GPM6A: variants seen among roughly 807,000 people sequenced by gnomAD.
The protein encoded by GPM6A is neuronal membrane glycoprotein M6-a.
In GPM6A, 7 loss-of-function variants were observed where a neutral mutation model predicts 32.1. The observed-to-expected ratio is 0.22, with a 90% CI of 0.12 to 0.41. GPM6A has a LOEUF of 0.41. GPM6A is among the 10% of genes least tolerant of loss of function. The pLI, the probability that GPM6A is intolerant of heterozygous loss-of-function variation, is 1.00. For synonymous variants in GPM6A, 130 were observed against 123.4 expected (o/e 1.05, Z -0.35); for missense variants, 235 against 347.2 (o/e 0.68, Z 2.57).
At chr4:175,718,678 GAC>G (rs1191803935) in intron 1 of GPM6A, among the ~76,000 whole-genome samples, 4 of 151,996 alleles carry the variant, frequency 2.6e-5, no homozygotes, top group Non-Finnish European at 4.4e-5. Context: ...TAAACCATAT[GAC>G]ACACACACAT....
intron 2 of GPM6A, among the ~76,000 whole-genome samples, chr4:175,688,915 C>T (rs934500525): frequency 1.3e-5 from 2 of 152,082 alleles, no homozygotes; most frequent in African/African-American, 4.8e-5. Flanking sequence ...TGTAGCGGTG[C>T]AATCATAGCT....
chr4:175,964,602 A>T (rs905254397), intron 1 of GPM6A, among the ~76,000 whole-genome samples: 1 of 152,034 alleles, frequency 6.6e-6, no homozygotes, highest in African/African-American at 2.4e-5. Context: ...CCTGTGTCCT[A>T]ATTTCCTATT....
intron 1 of GPM6A, among the ~76,000 whole-genome samples, chr4:175,990,833 T>C (rs1199347225): frequency 6.6e-6 from 1 of 152,162 alleles, no homozygotes; most frequent in Admixed American, 6.5e-5. Context: ...TATCATATGA[T>C]GTAAGGGGAT....
intron 1 of GPM6A, among the ~76,000 whole-genome samples, chr4:175,743,010 A>C (rs1731950699): frequency 6.6e-6 from 1 of 152,110 alleles, no homozygotes; most frequent in South Asian, 2.1e-4. Context: ...ATTAATAATA[A>C]TTATTTCAAG....
At chr4:175,720,483 A>G (rs1482153940) in intron 1 of GPM6A, among the ~76,000 whole-genome samples, 1 of 152,158 alleles carries the variant, frequency 6.6e-6, no homozygotes, top group African/African-American at 2.4e-5. Context: ...GATCTTTATT[A>G]TTTCTAGAAT....
intron 1 of GPM6A, among the ~76,000 whole-genome samples, chr4:175,710,365 A>G (rs189794013): frequency 1.5e-4 from 23 of 152,146 alleles, no homozygotes; most frequent in Non-Finnish European, 2.9e-4. Flanking sequence ...AGTGAATTCC[A>G]CAAGTTCTGA....
At chr4:175,902,125 AT>A (rs1350180465) in intron 1 of GPM6A, among the ~76,000 whole-genome samples, 3 of 152,168 alleles carry the variant, frequency 2.0e-5, no homozygotes, top group Admixed American at 6.6e-5. Flanking sequence ...ATGGATAAAA[AT>A]TTGAAGTATT....
At chr4:175,666,076 G>T (rs191855434) in intron 3 of GPM6A, among the ~76,000 whole-genome samples, 1 of 151,476 alleles carries the variant, frequency 6.6e-6, no homozygotes, top group East Asian at 2.0e-4. Context: ...CCACCACCAC[G>T]CCTGGCTAAT....
At chr4:175,667,452 A>C (rs1486266580) in intron 3 of GPM6A, among the ~76,000 whole-genome samples, 1 of 152,196 alleles carries the variant, frequency 6.6e-6, no homozygotes, top group African/African-American at 2.4e-5. Context: ...AGTTCTTAGT[A>C]GTCTAAGGAG....
At chr4:175,901,596 A>G (rs1005743133) in intron 1 of GPM6A, among the ~76,000 whole-genome samples, 5 of 151,072 alleles carry the variant, frequency 3.3e-5, no homozygotes, top group Non-Finnish European at 5.9e-5. Flanking sequence ...ACTATTTTAG[A>G]AAAAGCTTTA....
intron 1 of GPM6A, among the ~76,000 whole-genome samples, chr4:175,756,439 A>T (rs1319845098): frequency 6.6e-6 from 1 of 151,974 alleles, no homozygotes; most frequent in Admixed American, 6.6e-5. Flanking sequence ...TAAAAGTTAG[A>T]CTCCATGAAA....
intron 2 of GPM6A, among the ~76,000 whole-genome samples, chr4:175,699,100 G>C (rs1359699111): frequency 6.6e-6 from 1 of 152,152 alleles, no homozygotes; most frequent in East Asian, 1.9e-4. Flanking sequence ...AGATGTTAAG[G>C]ACATCTGTGA....
At chr4:175,805,011 T>A (rs1734631334) in intron 1 of GPM6A, among the ~76,000 whole-genome samples, 1 of 151,826 alleles carries the variant, frequency 6.6e-6, no homozygotes, top group African/African-American at 2.4e-5. Context: ...CCCACTGCAC[T>A]CCAGCCTGGG....
chr4:175,794,497 C>A (rs1734138627), intron 1 of GPM6A, among the ~76,000 whole-genome samples: 1 of 152,176 alleles, frequency 6.6e-6, no homozygotes, highest in Non-Finnish European at 1.5e-5. Context: ...TATTGTCAAT[C>A]ATTATACTAT....
In GPM6A at chr4:175,738,229, C is replaced by T. The variant is rs148919726; in HGVS notation, c.38-36462G>A. 2.2e-3 allele frequency among the ~76,000 whole-genome samples: 338 copies of T among 152,198 alleles called. 1 individual carries two copies. Among genetic ancestry groups the T allele is most frequent in the African/African-American group, 5.1e-3 (210 of 41,526 alleles). ...CTGGGATTACAGACATGAGTTACCG[C>T]GTCTGGCTGGTCCCACTTCTAACAC... On this transcript the variant is annotated intron_variant, in intron 1 of 6. Transcript: ENST00000393658.
At chr4:175,814,874 A>G (rs1726982224), upstream of GPM6A, among the ~76,000 whole-genome samples, 1 of 152,196 alleles carries the variant, frequency 6.6e-6, no homozygotes, top group African/African-American at 2.4e-5. Flanking sequence ...CATTAGGTAC[A>G]TTCACATCAT....
At chr4:175,678,049 C>T (rs1292783604) in intron 2 of GPM6A, among the ~76,000 whole-genome samples, 1 of 152,136 alleles carries the variant, frequency 6.6e-6, no homozygotes, top group African/African-American at 2.4e-5. Context: ...GCGTATACGT[C>T]TTGAGTTCAT....
intron 1 of GPM6A, among the ~76,000 whole-genome samples, chr4:175,930,438 TTTTG>T (rs200004353): frequency 0.072 from 7,760 of 108,092 alleles, 241 homozygotes; most frequent in Middle Eastern, 0.15. Flanking sequence ...GGGGGGGTTT[TTTTG>T]TTGTTGTTTT....
At chr4:175,689,076 G>C (rs1001020264) in intron 2 of GPM6A, among the ~76,000 whole-genome samples, 1 of 152,134 alleles carries the variant, frequency 6.6e-6, no homozygotes, top group Non-Finnish European at 1.5e-5. Flanking sequence ...TTACAGTCAT[G>C]AGCCACAATG....
Sources: allele counts gnomAD v4.1 joint callset (sites outside exome capture counted in the v4.1 genomes callset), GRCh38; gene constraint gnomAD v4.1.1; transcripts MANE v1.5; gene names NCBI Gene and HGNC (gene_info 2026-07-23, HGNC 2026-07-21).